Variants in LRBA observed in about 807,000 individuals in gnomAD.
LRBA encodes lipopolysaccharide-responsive and beige-like anchor protein.
Under a neutral mutation model 330.0 loss-of-function variants are expected in LRBA, and 176 were observed. That is an observed-to-expected ratio of 0.53 (90% confidence interval 0.47 to 0.60). LRBA has a LOEUF of 0.60. Ranked by LOEUF, LRBA falls within the 20% of genes least tolerant of loss-of-function variation. LRBA has a pLI of 0.00. For missense variants in LRBA, 3,259 were observed against 3,444.8 expected, an observed-to-expected ratio of 0.95 and a Z score of 1.35; for synonymous variants, 1,230 against 1,193.0, an observed-to-expected ratio of 1.03 and a Z score of -0.64.
At chr4:150,615,706 G>C (rs1376565689) in intron 37 of LRBA, among the ~76,000 whole-genome samples, 1 of 152,058 alleles carries the variant, frequency 6.6e-6, no homozygotes, top group East Asian at 1.9e-4. Flanking sequence ...ATCTGGGGCA[G>C]AAAAGGGCTA....
At position 150,934,691 on chromosome 4, in the gene LRBA, G is replaced by A. The variant is rs150396389; in HGVS notation, c.217-5626C>T. ...GTTCCGAGACCAGTGTGGCCAACATGGTGAAACCCCAGCTCCGTTAAAAAT... is the reference window on the plus strand; with the variant it reads ...GTTCCGAGACCAGTGTGGCCAACATAGTGAAACCCCAGCTCCGTTAAAAAT... On this transcript the variant is annotated intron_variant, in intron 2 of 56. Transcript: ENST00000651943. 6.5e-3 allele frequency among the ~76,000 whole-genome samples: 996 copies of A among 152,180 alleles called. 14 individuals carry two copies. The highest frequency in any genetic ancestry group is 0.023 in the African/African-American group (942 of 41,516).
chr4:150,423,346 G>T (rs1749092924), intron 46 of LRBA: 2 of 687,148 alleles, frequency 2.9e-6, no homozygotes, highest in Admixed American at 2.3e-5. Flanking sequence ...CTGTGAGGAG[G>T]CGTCAAGGGT....
At chr4:150,993,507 C>A (rs1742318971) in intron 2 of LRBA, among the ~76,000 whole-genome samples, 1 of 152,166 alleles carries the variant, frequency 6.6e-6, no homozygotes, top group South Asian at 2.1e-4. Flanking sequence ...GAGTTCAAGA[C>A]CAGCCTGACC....
chr4:150,834,730 A>G (rs1747752295), intron 28 of LRBA, among the ~76,000 whole-genome samples: 1 of 152,226 alleles, frequency 6.6e-6, no homozygotes, highest in African/African-American at 2.4e-5. Context: ...AGTCCCTAAC[A>G]AGAGAATCAG....
At chr4:150,511,471 A>T (rs552188423) in intron 40 of LRBA, among the ~76,000 whole-genome samples, 1 of 151,990 alleles carries the variant, frequency 6.6e-6, no homozygotes, top group African/African-American at 2.4e-5. Flanking sequence ...ACAACATAAC[A>T]CTCCTTCAAT....
intron 17 of LRBA, among the ~76,000 whole-genome samples, chr4:150,875,396 T>G (rs1291360815): frequency 6.6e-6 from 1 of 152,158 alleles, no homozygotes; most frequent in Non-Finnish European, 1.5e-5. Context: ...CATCACTATT[T>G]TTTGTGCCCT....
intron 36 of LRBA, chr4:150,683,920 A>C: frequency 1.9e-6 from 1 of 515,490 alleles, no homozygotes; most frequent in Non-Finnish European, 3.4e-6. Context: ...CAATCATGAG[A>C]TACACTCAGA....
chr4:150,954,489 CAT>C (rs1212107226), intron 2 of LRBA, among the ~76,000 whole-genome samples: 1 of 151,902 alleles, frequency 6.6e-6, no homozygotes, highest in Non-Finnish European at 1.5e-5. Flanking sequence ...CTCTCTGAAA[CAT>C]GTGCTGTGTC....
intron 40 of LRBA, among the ~76,000 whole-genome samples, chr4:150,507,383 T>C (rs1315849177): frequency 4.6e-5 from 7 of 152,028 alleles, no homozygotes; most frequent in Non-Finnish European, 8.8e-5. Context: ...AACAGAGATA[T>C]AGACCAATGG....
Position 150,620,143 on chromosome 4 carries a change from T to C in LRBA, c.5922-21012A>G, listed in dbSNP as rs548979923. Among the ~76,000 whole-genome samples the C allele has an allele frequency of 3.9e-4, 60 of 152,170 alleles. No homozygotes were observed. In the South Asian group the frequency reaches 0.012, roughly 30 times the overall value. The stretch of plus-strand genomic sequence containing the variant: ...ATCAGAGTTAAAGTAACTACAATAG[T>C]GTATTTTTAAAAAAAACATTTCTCA... On this transcript the variant is annotated intron_variant, in intron 37 of 56. Coordinates refer to ENST00000651943, the MANE Select transcript of LRBA (RefSeq NM_001364905.1).
rs183622599 is a variant in LRBA at position 150,487,495 on chromosome 4, A to G, written c.6551+237T>C. 2.0e-5 allele frequency among the ~76,000 whole-genome samples: 3 copies of G among 151,780 alleles called. No homozygotes were observed. The East Asian group carries it at 5.8e-4, about 29-fold the overall frequency. On this transcript the variant is annotated intron_variant, in intron 42 of 56. Transcript: ENST00000651943. ...ATGCTAGGGAAAACAGTATATTATA[A>G]TGCAGTTTAGTCAAAAGAAAACTTA...
chr4:150,868,340 C>A (rs1465590172), intron 20 of LRBA, 35 bp from the exon 21 acceptor site: 1 of 1,505,874 alleles, frequency 6.6e-7, no homozygotes, highest in Admixed American at 2.0e-5. Context: ...AAAAACCAAA[C>A]TCAACAAAAA....
At chr4:150,992,771 T>C (rs1273031857) in intron 2 of LRBA, among the ~76,000 whole-genome samples, 3 of 152,228 alleles carry the variant, frequency 2.0e-5, no homozygotes, top group Admixed American at 1.3e-4. Context: ...ACAGATTTGT[T>C]TGATAATCCA....
At chr4:150,494,338 A>C (rs1759310433) in intron 40 of LRBA, among the ~76,000 whole-genome samples, 1 of 152,218 alleles carries the variant, frequency 6.6e-6, no homozygotes. Context: ...AAGAAAACAA[A>C]CAAAAAATAT....
intron 36 of LRBA, among the ~76,000 whole-genome samples, chr4:150,691,160 G>C (rs1287670008): frequency 3.9e-5 from 6 of 151,966 alleles, no homozygotes; most frequent in East Asian, 3.9e-4. Context: ...TCAATCTCTT[G>C]ACCTCATGAT....
intron 47 of LRBA, among the ~76,000 whole-genome samples, chr4:150,381,850 C>A (rs1742312303): frequency 6.6e-6 from 1 of 152,086 alleles, no homozygotes; most frequent in Non-Finnish European, 1.5e-5. Context: ...TGTCTTTTTG[C>A]TAGTGGTTGT....
chr4:150,891,678 A>C (rs1417721799), intron 17 of LRBA, among the ~76,000 whole-genome samples: 2 of 152,160 alleles, frequency 1.3e-5, no homozygotes, highest in Admixed American at 6.5e-5. Flanking sequence ...CAATTGTGTA[A>C]AACAGTTGCT....
intron 13 of LRBA, among the ~76,000 whole-genome samples, chr4:150,901,889 G>T (rs1392268274): frequency 1.3e-5 from 2 of 152,112 alleles, no homozygotes; most frequent in Non-Finnish European, 2.9e-5. Flanking sequence ...AATACGACAT[G>T]CCTCAAATTC....
chr4:150,550,242 A>T (rs1210872601), intron 40 of LRBA, among the ~76,000 whole-genome samples: 1 of 152,190 alleles, frequency 6.6e-6, no homozygotes, highest in Non-Finnish European at 1.5e-5. Flanking sequence ...AAGTATTTTA[A>T]ATAAATATAT....
Sources: allele counts gnomAD v4.1 joint callset (sites outside exome capture counted in the v4.1 genomes callset), GRCh38; gene constraint gnomAD v4.1.1; transcripts MANE v1.5; gene names NCBI Gene and HGNC (gene_info 2026-07-23, HGNC 2026-07-21).